KCNG1: variants seen among roughly 807,000 people sequenced by gnomAD.
KCNG1 encodes the protein potassium voltage-gated channel modifier subfamily G member 1, also known as voltage-gated potassium channel regulatory subunit KCNG1.
KCNG1 carries 17 observed loss-of-function variants against 32.4 expected under a neutral mutation model. The ratio of observed to expected loss-of-function variants is 0.52; its 90% CI spans 0.36 to 0.79. The LOEUF (loss-of-function observed/expected upper bound fraction) is 0.79. Ranked by LOEUF, KCNG1 falls within the 30% of genes least tolerant of loss-of-function variation. The pLI, the probability that KCNG1 is intolerant of heterozygous loss-of-function variation, is 0.00. For synonymous variants in KCNG1, 358 were observed against 339.9 expected, an observed-to-expected ratio of 1.05 and a Z score of -0.59; for missense variants, 441 against 735.2, an observed-to-expected ratio of 0.60 and a Z score of 4.63.
rs1236329652 is a variant in KCNG1 at position 51,019,249 on chromosome 20, C to T, written c.-27+3621G>A. On this transcript the variant is annotated intron_variant, in intron 1 of 2. Coordinates refer to ENST00000371571, the MANE Select transcript of KCNG1 (RefSeq NM_002237.4). ...AATTCAGGCTGGGCGCAGGGGCTTA[C>T]GCCTGGAATCCTAGCACTTTGGGAG... Among the ~76,000 whole-genome samples, 5 of 152,318 alleles carry T rather than the reference C, an allele frequency of 3.3e-5. 1 individual carries two copies. The highest frequency in any genetic ancestry group is 4.1e-4 in the South Asian group (2 of 4,826).
intron 1 of KCNG1, among the ~76,000 whole-genome samples, chr20:51,021,494 C>T (rs1429584550): frequency 2.0e-5 from 3 of 152,186 alleles, no homozygotes; most frequent in Non-Finnish European, 4.4e-5. Context: ...TTCATAGGGA[C>T]TCTGCCATCA....
chr20:51,004,737 C>A lies in KCNG1; in HGVS notation c.844G>T (p.Glu282Ter). The stretch of plus-strand genomic sequence containing the variant: ...GCCTGAATGAGCCGCAGGAGGAACT[C>A]CAGGGAGAACCAGCCCACGCACACC... ...ESVCVGWFSL[E>*]FLLRLIQAPS... The change falls in exon 3 of 3, where the codon GAG becomes TAG. Residue 282 changes from glutamate to a stop codon, truncating the protein, a stop_gained. Coordinates refer to ENST00000371571, the MANE Select transcript of KCNG1 (RefSeq NM_002237.4). LOFTEE classifies it high-confidence loss of function. This position sits in a 1 kb window ranked among gnomAD's most constrained non-coding sequence, Gnocchi z 4.3. 1 of 1,593,658 alleles carries A rather than the reference C, an allele frequency of 6.3e-7. No individual in the cohort carries two copies. Among genetic ancestry groups the A allele is most frequent in the Non-Finnish European group, 8.5e-7 (1 of 1,169,850 alleles).
Position 51,003,738 on chromosome 20 carries a change from T to G in KCNG1, c.*301A>C. On this transcript the variant is annotated 3_prime_UTR_variant, in exon 3 of 3. Coordinates refer to ENST00000371571, the MANE Select transcript of KCNG1 (RefSeq NM_002237.4). Reference sequence around the variant, plus strand: ...GTTTTTGCTGGGCATGTTATTTGCATGGTGAAAAGAACAAGGCATCTCCTT... The same window carrying G: ...GTTTTTGCTGGGCATGTTATTTGCAGGGTGAAAAGAACAAGGCATCTCCTT... 8.3e-6 allele frequency: 2 copies of G among 240,210 alleles called. No homozygotes were observed. 14.9% of individuals were successfully genotyped at this position (240,210 alleles called of 1,614,324 possible).
chr20:51,012,637 A>G (rs1379058734), intron 1 of KCNG1, among the ~76,000 whole-genome samples: 2 of 152,232 alleles, frequency 1.3e-5, no homozygotes, highest in African/African-American at 4.8e-5. Flanking sequence ...TTGCTTATTC[A>G]TTACCAGCTC....
intron 2 of KCNG1, chr20:51,007,165 C>T (rs1009984213): frequency 2.0e-5 from 3 of 152,960 alleles, no homozygotes; most frequent in African/African-American, 7.2e-5. Flanking sequence ...ACCTGGGCAA[C>T]ATAGCAACAC....
chr20:51,021,435 C>T (rs571482674), intron 1 of KCNG1, among the ~76,000 whole-genome samples: 1 of 152,308 alleles, frequency 6.6e-6, no homozygotes, highest in African/African-American at 2.4e-5. Flanking sequence ...CGCAAGGCCC[C>T]AATCAGCAGT....
chr20:51,008,392 G>A (rs1017314006), intron 2 of KCNG1, among the ~76,000 whole-genome samples: 17 of 152,126 alleles, frequency 1.1e-4, no homozygotes, highest in Admixed American at 2.6e-4. Flanking sequence ...GTGCAGTGGC[G>A]TGATCATGGC....
chr20:51,004,657 G>A lies in KCNG1; in HGVS notation c.924C>T (p.Ala308=), dbSNP rs889940365. 5 of 1,602,992 alleles carry A rather than the reference G, an allele frequency of 3.1e-6. No individual in the cohort carries two copies. Among genetic ancestry groups the A allele is most frequent in the Admixed American group, 3.4e-5 (2 of 58,464 alleles). The change falls in exon 3 of 3, where the codon GCC becomes GCT. Residue 308 remains alanine (A), a synonymous_variant. Coordinates refer to ENST00000371571, the MANE Select transcript of KCNG1 (RefSeq NM_002237.4). This position sits in a 1 kb window ranked among gnomAD's most constrained non-coding sequence, Gnocchi z 4.3. ...GCAGCGTGATGTAGTAGGGCAGGAT[G>A]GCCACCAGGTCGATCAGCGTCAGCG... is the stretch of plus-strand genomic sequence containing the variant. The part of the protein sequence containing the change: ...RSPLTLIDLV[A]ILPYYITLLV...
intron 1 of KCNG1, among the ~76,000 whole-genome samples, chr20:51,018,776 G>A (rs1174198162): frequency 6.6e-6 from 1 of 152,164 alleles, no homozygotes; most frequent in Non-Finnish European, 1.5e-5. Context: ...CTGGCAATAA[G>A]CGACAAAGCC....
At chr20:51,021,254 C>G (rs1453884877) in intron 1 of KCNG1, among the ~76,000 whole-genome samples, 4 of 152,224 alleles carry the variant, frequency 2.6e-5, no homozygotes, top group Admixed American at 1.3e-4. Context: ...GGAGGGTGAT[C>G]CCCAGGGGCC....
chr20:51,009,351 A>G (rs1258246436), intron 2 of KCNG1, among the ~76,000 whole-genome samples: 2 of 152,246 alleles, frequency 1.3e-5, no homozygotes, highest in Non-Finnish European at 2.9e-5. Flanking sequence ...TGGTGGGCAC[A>G]GTGGAGGCCA....
intron 1 of KCNG1, among the ~76,000 whole-genome samples, chr20:51,022,172 G>A (rs1054135747): frequency 4.6e-5 from 7 of 152,170 alleles, no homozygotes; most frequent in African/African-American, 1.7e-4. Flanking sequence ...TGAGCGCTTG[G>A]TATGATGAGC....
Position 51,004,425 on chromosome 20 carries a change from C to G in KCNG1, c.1156G>C (p.Val386Leu). The change falls in exon 3 of 3, where the codon GTG becomes CTG. Residue 386 changes from valine to leucine, a missense_variant. Val to Leu is a conservative substitution (Grantham distance 32). Around this residue, in one of 6 missense-constraint regions of KCNG1, gnomAD observed 169 missense variants for 297.7 expected, o/e 0.57. Coordinates refer to ENST00000371571, the MANE Select transcript of KCNG1 (RefSeq NM_002237.4). This position sits in a 1 kb window ranked among gnomAD's most constrained non-coding sequence, Gnocchi z 4.3. ...AGGGGCGCGAAGAGGGCGATGGCCA[C>G]GCAGAGGAAGAGCAGCAGGAGCCCG... ...EFGLLLLFLC[V>L]AIALFAPLLY... The G allele has an allele frequency of 6.2e-7, 1 of 1,609,678 alleles. No individual in the cohort carries two copies. The highest frequency in any genetic ancestry group is 8.5e-7 in the Non-Finnish European group (1 of 1,176,734).
At position 51,004,590 on chromosome 20, in the gene KCNG1, C is replaced by T. The variant is rs1339316048; in HGVS notation, c.991G>A (p.Gly331Ser). Reference sequence around the variant, plus strand: ...CCCACCTTGTCCAGGTAGCTGTTGCCCGCGCCGGGCTTGCGACGGCCTGCG... The same window carrying T: ...CCCACCTTGTCCAGGTAGCTGTTGCTCGCGCCGGGCTTGCGACGGCCTGCG... ...AAAGRRKPGA[G>S]NSYLDKVGLV... Residue 331 changes from glycine to serine, a missense_variant, in exon 3 of 3, where the codon GGC (glycine) becomes AGC (serine). This residue lies in a region of KCNG1 where 169 missense variants were observed against 297.7 expected (regional missense o/e 0.57). Transcript: ENST00000371571. The surrounding 1 kb of genome is among the most constrained non-coding windows in gnomAD (Gnocchi z 4.3). 6.3e-7 allele frequency: 1 copy of T among 1,577,774 alleles called. No homozygotes were observed. The highest frequency in any genetic ancestry group is 1.8e-5 in the Admixed American group (1 of 54,464).
At chr20:51,021,965 A>G (rs1988499834) in intron 1 of KCNG1, among the ~76,000 whole-genome samples, 1 of 152,104 alleles carries the variant, frequency 6.6e-6, no homozygotes, top group Non-Finnish European at 1.5e-5. Context: ...AATGCATTAG[A>G]TGAACCAAGA....
Position 51,003,939 on chromosome 20 carries a change from G to T in KCNG1, c.*100C>A. 1.5e-6 allele frequency: 2 copies of T among 1,358,064 alleles called. No homozygotes were observed. Among genetic ancestry groups the T allele is most frequent in the Non-Finnish European group, 2.0e-6 (2 of 987,780 alleles). The allele number at this position is 1,358,064 out of a possible 1,614,324, so 84.1% of individuals were successfully genotyped here. On this transcript the variant is annotated 3_prime_UTR_variant, in exon 3 of 3. Transcript: ENST00000371571. ...TGCGTGGGAGTCGGTGCTGCGCCAG[G>T]ACTGCACTCGGAAGCGGCCTGTCCC...
At chr20:51,010,953 A>G (rs1988071405) in intron 1 of KCNG1, among the ~76,000 whole-genome samples, 1 of 151,804 alleles carries the variant, frequency 6.6e-6, no homozygotes, top group Non-Finnish European at 1.5e-5. Context: ...AGAGGAAGAG[A>G]CACTAGGGCT....
chr20:51,014,762 G>T (rs1030227230), intron 1 of KCNG1, among the ~76,000 whole-genome samples: 2 of 152,172 alleles, frequency 1.3e-5, no homozygotes, highest in African/African-American at 4.8e-5. Context: ...AGAGCAAGGT[G>T]AGAGATGGAG....
chr20:51,021,487 A>T (rs1182712369), intron 1 of KCNG1, among the ~76,000 whole-genome samples: 1 of 152,164 alleles, frequency 6.6e-6, no homozygotes, highest in Non-Finnish European at 1.5e-5. Context: ...GAGGCTCTTC[A>T]TAGGGACTCT....
Sources: gnomAD v4.1 joint callset for allele counts (sites outside exome capture counted in the v4.1 genomes callset) on GRCh38, gnomAD v4.1.1 for gene constraint, gnomAD v4.1.1 regional missense constraint, Gnocchi (gnomAD v3.1) non-coding constraint, MANE v1.5 for transcripts, NCBI Gene and HGNC (gene_info 2026-07-23, HGNC 2026-07-21) for gene names.